The following RBFOX3 variants were observed in gnomAD, a reference collection of about 807,000 sequenced individuals.
RBFOX3 encodes RNA binding protein fox-1 homolog 3.
RBFOX3 carries 17 observed loss-of-function variants against 48.7 expected under a neutral mutation model. The observed-to-expected ratio is 0.35, with a 90% CI of 0.24 to 0.52. The LOEUF is 0.52. Ranked by LOEUF, RBFOX3 falls within the 20% of genes least tolerant of loss-of-function variation. The pLI is 0.94. For missense variants in RBFOX3, 382 were observed against 497.5 expected, an observed-to-expected ratio of 0.77 and a Z score of 2.21; for synonymous variants, 212 against 209.5, an observed-to-expected ratio of 1.01 and a Z score of -0.10.
intron 1 of RBFOX3, among the ~76,000 whole-genome samples, chr17:79,508,548 C>T (rs1343294715): frequency 6.6e-6 from 1 of 152,308 alleles, no homozygotes; most frequent in South Asian, 2.1e-4. Context: ...CGCGCTGGCT[C>T]GGCCGAAGCT....
At chr17:79,100,606 A>G (rs1373738115) in intron 9 of RBFOX3, among the ~76,000 whole-genome samples, 1 of 152,112 alleles carries the variant, frequency 6.6e-6, no homozygotes, top group Admixed American at 6.5e-5. Flanking sequence ...GGGCCATGAG[A>G]GGCTGGGGGT....
chr17:79,150,737 G>C (rs2044233568), intron 4 of RBFOX3, among the ~76,000 whole-genome samples: 1 of 152,202 alleles, frequency 6.6e-6, no homozygotes, highest in Non-Finnish European at 1.5e-5. Context: ...CTTAGCCAGA[G>C]AAGAGGCAGG....
rs75744094 is a variant in RBFOX3, at chr17:79,173,898, C to A, written c.-33-58150G>T. 4.2e-3 allele frequency among the ~76,000 whole-genome samples: 630 copies of A among 148,340 alleles called. 2 individuals are homozygous for A. The highest frequency in any genetic ancestry group is 0.015 in the African/African-American group (600 of 39,906). On this transcript the variant is annotated intron_variant, in intron 4 of 14. Coordinates refer to ENST00000693108, the MANE Select transcript of RBFOX3 (RefSeq NM_001350451.2). Reference sequence around the variant, plus strand: ...TACAGAGCTTTGCACACGCCACGTGCTGAAGTGGAGCCCTGCTGGGGGTGG... The same window carrying A: ...TACAGAGCTTTGCACACGCCACGTGATGAAGTGGAGCCCTGCTGGGGGTGG...
At chr17:79,324,964 G>A (rs1452431618) in intron 2 of RBFOX3, among the ~76,000 whole-genome samples, 2 of 152,240 alleles carry the variant, frequency 1.3e-5, no homozygotes, top group African/African-American at 4.8e-5. Context: ...GCAAAGACAG[G>A]AGTGTATCAA....
intron 4 of RBFOX3, among the ~76,000 whole-genome samples, chr17:79,159,728 TAC>T (rs956517540): frequency 6.2e-5 from 9 of 145,048 alleles, no homozygotes; most frequent in Middle Eastern, 3.4e-3. Flanking sequence ...ACCCATCACT[TAC>T]ACACACACAT....
At chr17:79,463,555 T>C (rs1167131050) in intron 2 of RBFOX3, among the ~76,000 whole-genome samples, 1 of 84,166 alleles carries the variant, frequency 1.2e-5, no homozygotes, top group African/African-American at 5.0e-5. Flanking sequence ...CCATCACCAC[T>C]GACACCTCCA....
intron 3 of RBFOX3, among the ~76,000 whole-genome samples, chr17:79,280,649 C>T (rs761817794): frequency 1.9e-4 from 29 of 152,170 alleles, no homozygotes; most frequent in African/African-American, 5.6e-4. Flanking sequence ...TGAATTTAGA[C>T]GAAAGTCATT....
chr17:79,652,926 G>A, the RBFOX3 span, among the ~76,000 whole-genome samples: 2 of 151,950 alleles, frequency 1.3e-5, no homozygotes, highest in Non-Finnish European at 2.9e-5. Context: ...GAACACCAAG[G>A]ATAAAAGCTT....
At chr17:79,579,619 G>T (rs987001900) in intron 1 of RBFOX3, among the ~76,000 whole-genome samples, 3 of 152,056 alleles carry the variant, frequency 2.0e-5, no homozygotes, top group Non-Finnish European at 2.9e-5. Context: ...GAGAGGACAG[G>T]CTGGGAGCCA....
chr17:79,102,782 G>A (rs910651169), intron 8 of RBFOX3, among the ~76,000 whole-genome samples: 4 of 152,210 alleles, frequency 2.6e-5, no homozygotes, highest in Non-Finnish European at 4.4e-5. Context: ...GGGGACAGCC[G>A]CTGCTCCATG....
intron 2 of RBFOX3, among the ~76,000 whole-genome samples, chr17:79,374,660 T>C (rs1182863482): frequency 6.6e-6 from 1 of 152,236 alleles, no homozygotes; most frequent in Non-Finnish European, 1.5e-5. Flanking sequence ...TCCGTTCGCA[T>C]GTTTGCGGGC....
At chr17:79,612,244 A>C (rs2093974761), upstream of RBFOX3, among the ~76,000 whole-genome samples, 1 of 152,214 alleles carries the variant, frequency 6.6e-6, no homozygotes, top group South Asian at 2.1e-4. Context: ...GGACATTTCC[A>C]AATTACACAC....
At chr17:79,499,169 C>T (rs2082047014) in intron 1 of RBFOX3, among the ~76,000 whole-genome samples, 1 of 151,288 alleles carries the variant, frequency 6.6e-6, no homozygotes, top group South Asian at 2.1e-4. Flanking sequence ...CCCACCCATC[C>T]ATCTACCCAT....
rs1250039550 is a variant in RBFOX3 at position 79,091,981 on chromosome 17, T to A, written c.1078-1096A>T. ...TAAAATTTAATGAAAAATATTAGTTTCAGCTGAATGGGGCGAGGAGGGGCA... is the reference window on the plus strand; with the variant it reads ...TAAAATTTAATGAAAAATATTAGTTACAGCTGAATGGGGCGAGGAGGGGCA... On this transcript the variant is annotated intron_variant, in intron 14 of 14. Transcript: ENST00000693108. 5.1e-6 allele frequency: 5 copies of A among 985,362 alleles called. No individual in the cohort carries two copies. In the Admixed American group the frequency reaches 3.1e-4, roughly 61 times the overall value. The allele number at this position is 985,362 out of a possible 1,614,324, so 61.0% of individuals were successfully genotyped here.
rs914034969 is a variant in RBFOX3, at chr17:79,391,339, T to A, written c.-174-83515A>T. ...GTCTCAGGGGGAGAAAAAGGGAGGATTTAAACCCAGCACACCTGGGTTCAA... is the reference window on the plus strand; with the variant it reads ...GTCTCAGGGGGAGAAAAAGGGAGGAATTAAACCCAGCACACCTGGGTTCAA... On this transcript the variant is annotated intron_variant, in intron 2 of 14. Transcript: ENST00000693108. The surrounding 1 kb of genome is among the most constrained non-coding windows in gnomAD (Gnocchi z 5.0). Among the ~76,000 whole-genome samples the A allele has an allele frequency of 3.9e-5, 6 of 152,110 alleles. No homozygotes were observed. Among genetic ancestry groups the A allele is most frequent in the African/African-American group, 1.4e-4 (6 of 41,396 alleles).
At position 79,361,572 on chromosome 17, in the gene RBFOX3, A is replaced by G. The variant is rs2086362137; in HGVS notation, c.-174-53748T>C. On this transcript the variant is annotated intron_variant, in intron 2 of 14. Coordinates refer to ENST00000693108, the MANE Select transcript of RBFOX3 (RefSeq NM_001350451.2). This position sits in a 1 kb window ranked among gnomAD's most constrained non-coding sequence, Gnocchi z 4.5. Reference sequence around the variant, plus strand: ...GGCCCAGCTGATCAGCAGCTCTGCCAGGCACTGTCCAGGGCTTCCCTAAGG... The same window carrying G: ...GGCCCAGCTGATCAGCAGCTCTGCCGGGCACTGTCCAGGGCTTCCCTAAGG... 6.6e-6 allele frequency among the ~76,000 whole-genome samples: 1 copy of G among 152,174 alleles called. No individual in the cohort carries two copies. The highest frequency in any genetic ancestry group is 1.5e-5 in the Non-Finnish European group (1 of 68,022).
At chr17:79,587,439 C>T (rs1013552355) in intron 1 of RBFOX3, among the ~76,000 whole-genome samples, 29 of 152,362 alleles carry the variant, frequency 1.9e-4, no homozygotes, top group Non-Finnish European at 3.1e-4. Context: ...ACCAGCAAGG[C>T]TAGGGACCCC....
chr17:79,529,877 A>G (rs2087442966), intron 1 of RBFOX3, among the ~76,000 whole-genome samples: 1 of 152,206 alleles, frequency 6.6e-6, no homozygotes, highest in South Asian at 2.1e-4. Flanking sequence ...CTTGTGAACA[A>G]CATGTTGCTG....
intron 4 of RBFOX3, among the ~76,000 whole-genome samples, chr17:79,184,662 C>T (rs1392353467): frequency 6.6e-6 from 1 of 152,212 alleles, no homozygotes; most frequent in African/African-American, 2.4e-5. Context: ...TCACGCCTTC[C>T]AGGAAAGGGG....
Sources: allele counts gnomAD v4.1 joint callset (sites outside exome capture counted in the v4.1 genomes callset), GRCh38; gene constraint gnomAD v4.1.1; non-coding constraint Gnocchi (gnomAD v3.1); transcripts MANE v1.5; gene names NCBI Gene and HGNC (gene_info 2026-07-23, HGNC 2026-07-21).